RIPK1: variants seen among roughly 807,000 people sequenced by gnomAD.
The protein encoded by RIPK1 is receptor-interacting serine/threonine-protein kinase 1.
In RIPK1, 27 loss-of-function variants were observed where a neutral mutation model predicts 62.4. The observed-to-expected ratio is 0.43, with a 90% CI of 0.32 to 0.60. RIPK1 has a LOEUF of 0.60. Among genes scored for constraint, RIPK1 ranks in the 20% least tolerant of loss-of-function variants. RIPK1 has a pLI of 0.07. For missense variants in RIPK1, 735 were observed against 831.0 expected, an observed-to-expected ratio of 0.88 and a Z score of 1.42; for synonymous variants, 287 against 303.2, an observed-to-expected ratio of 0.95 and a Z score of 0.55.
upstream of RIPK1, among the ~76,000 whole-genome samples, chr6:3,065,028 G>A (rs759354806): frequency 6.6e-6 from 1 of 151,976 alleles, no homozygotes; most frequent in Non-Finnish European, 1.5e-5. Context: ...GGATCACGAG[G>A]TCAGGAGATG....
intron 5 of RIPK1, among the ~76,000 whole-genome samples, chr6:3,084,337 G>A (rs1401572343): frequency 6.6e-6 from 1 of 152,194 alleles, no homozygotes; most frequent in Non-Finnish European, 1.5e-5. Context: ...AGGCCTTCAT[G>A]TTCTGGCCTT....
chr6:3,078,791 A>T (rs1304852126), intron 3 of RIPK1, among the ~76,000 whole-genome samples: 1 of 152,266 alleles, frequency 6.6e-6, no homozygotes, highest in Non-Finnish European at 1.5e-5. Flanking sequence ...CATTTTTAAA[A>T]GCTTATGTGC....
chr6:3,110,687 T>A (rs754681173), intron 9 of RIPK1, 116 bp from the exon 10 acceptor site: 87 of 587,414 alleles, frequency 1.5e-4, no homozygotes, highest in Non-Finnish European at 2.4e-4. Context: ...GTTTAAAGGG[T>A]GGCATAGGAT....
intron 6 of RIPK1, chr6:3,088,614 A>T (rs1455834342): frequency 2.0e-5 from 3 of 152,246 alleles, no homozygotes; most frequent in Non-Finnish European, 4.4e-5. Context: ...ATGCGGTTGG[A>T]TGTTGAGGCT....
intron 1 of RIPK1, among the ~76,000 whole-genome samples, chr6:3,076,080 C>T (rs894667405): frequency 1.3e-5 from 2 of 152,048 alleles, no homozygotes; most frequent in South Asian, 2.1e-4. Flanking sequence ...TGCCTGCCTC[C>T]GGTGCTCTGT....
upstream of RIPK1, among the ~76,000 whole-genome samples, chr6:3,066,334 G>T (rs1279128227): frequency 6.6e-6 from 1 of 152,148 alleles, no homozygotes; most frequent in Non-Finnish European, 1.5e-5. Flanking sequence ...AGAACATAGA[G>T]ATTTTTTGTG....
At chr6:3,089,737 T>A in intron 7 of RIPK1, 80 bp downstream of exon 7, 2 of 832,788 alleles carry the variant, frequency 2.4e-6, no homozygotes, top group Non-Finnish European at 4.0e-6. Context: ...ACAAAGTGAT[T>A]TGTTATTGAG....
At chr6:3,107,400 C>CA (rs1167089664) in intron 9 of RIPK1, among the ~76,000 whole-genome samples, 1,208 of 55,294 alleles carry the variant, frequency 0.022, 11 homozygotes, top group African/African-American at 0.056. Context: ...ACTAAAAATA[C>CA]AAAAAAAAAA....
chr6:3,105,987 A>T lies in RIPK1; in HGVS notation c.1512A>T (p.Pro504=), dbSNP rs1760830538. Residue 504 remains proline, a synonymous_variant, in exon 9 of 11, where the codon CCA becomes CCT. Coordinates refer to ENST00000259808, the MANE Select transcript of RIPK1 (RefSeq NM_001354930.2). This position sits in a 1 kb window ranked among gnomAD's most constrained non-coding sequence, Gnocchi z 4.5. Reference sequence around the variant, plus strand: ...ATATGCCTAGTCTGCATAATATCCCAGTGCCTGAGACCAACTATCTAGGAA... The same window carrying T: ...ATATGCCTAGTCTGCATAATATCCCTGTGCCTGAGACCAACTATCTAGGAA... ...PSHMPSLHNI[P]VPETNYLGNT... 6.2e-7 allele frequency: 1 copy of T among 1,614,118 alleles called. No homozygotes were observed. The highest frequency in any genetic ancestry group is 1.7e-5 in the Admixed American group (1 of 60,022).
intron 3 of RIPK1, 95 bp from the exon 4 acceptor site, chr6:3,080,884 C>G: frequency 8.1e-7 from 1 of 1,237,350 alleles, no homozygotes; most frequent in South Asian, 1.4e-5. Flanking sequence ...GTAACCTTCT[C>G]CTCAGGCTCA....
At chr6:3,095,362 C>G (rs898186015) in intron 7 of RIPK1, among the ~76,000 whole-genome samples, 24 of 152,170 alleles carry the variant, frequency 1.6e-4, no homozygotes, top group Non-Finnish European at 3.2e-4. Context: ...TCAATGATTT[C>G]TGCCAAATAT....
chr6:3,066,381 G>A (rs756662366), upstream of RIPK1, among the ~76,000 whole-genome samples: 1 of 151,956 alleles, frequency 6.6e-6, no homozygotes, highest in African/African-American at 2.4e-5. Flanking sequence ...CCTAGAACAG[G>A]TGCTCAGTAA....
At chr6:3,104,859 C>T (rs760024285) in intron 8 of RIPK1, among the ~76,000 whole-genome samples, 4 of 152,036 alleles carry the variant, frequency 2.6e-5, no homozygotes, top group Non-Finnish European at 5.9e-5. Context: ...AGAGCTGCTG[C>T]AGATCTTTTT....
At chr6:3,068,240 C>G (rs1254458190), upstream of RIPK1, 1 of 985,434 alleles carries the variant, frequency 1.0e-6, no homozygotes, top group African/African-American at 1.7e-5. Flanking sequence ...CTGAATCCTC[C>G]GGATAGCGCC....
intron 1 of RIPK1, among the ~76,000 whole-genome samples, chr6:3,075,129 G>A (rs1350108153): frequency 1.3e-5 from 2 of 152,184 alleles, no homozygotes; most frequent in Non-Finnish European, 2.9e-5. Flanking sequence ...GAAGCTTTTT[G>A]CCAGCCCTTT....
rs1323999651 is a variant in RIPK1, at chr6:3,113,301, G to C, written c.1978G>C (p.Asp660His). 3 of 1,613,992 alleles carry C rather than the reference G, an allele frequency of 1.9e-6. No homozygotes were observed. Among genetic ancestry groups the C allele is most frequent in the Non-Finnish European group, 2.5e-6 (3 of 1,180,030 alleles). ...GGCGCTCCACCAGTGTTCCAGGATC[G>C]ACCTTCTGAGCAGCTTGATTTACGT... is the stretch of plus-strand genomic sequence containing the variant. ...AQALHQCSRIDLLSSLIYVSQ... is the reference protein window; with the variant it reads ...AQALHQCSRIHLLSSLIYVSQ... Residue 660 changes from aspartate (D) to histidine (H), a missense_variant, in exon 11 of 11, where the codon GAC becomes CAC. Around this residue, in one of 2 missense-constraint regions of RIPK1, gnomAD observed 64 missense variants for 104.8 expected, o/e 0.61. Coordinates refer to ENST00000259808, the MANE Select transcript of RIPK1 (RefSeq NM_001354930.2). The surrounding 1 kb of genome is among the most constrained non-coding windows in gnomAD (Gnocchi z 5.0).
intron 7 of RIPK1, among the ~76,000 whole-genome samples, chr6:3,100,261 T>C (rs1030441829): frequency 6.6e-6 from 1 of 151,720 alleles, no homozygotes; most frequent in Admixed American, 6.6e-5. Flanking sequence ...TCTCTACTAA[T>C]AATACAAAAA....
rs1168098509 is a variant in RIPK1 at position 3,076,799 on chromosome 6, A to G, written c.-25A>G. On this transcript the variant is annotated 5_prime_UTR_variant, in exon 2 of 11. Coordinates refer to ENST00000259808, the MANE Select transcript of RIPK1 (RefSeq NM_001354930.2). ...TGCCGGGGGGGGAAAAAGTGGTACC[A>G]TTTTGGGCGTTCTTGAGCTTCAGAA... The G allele has an allele frequency of 1.2e-6, 2 of 1,606,788 alleles. No homozygotes were observed. Among genetic ancestry groups the G allele is most frequent in the Non-Finnish European group, 8.5e-7 (1 of 1,177,498 alleles).
chr6:3,097,042 T>A (rs1407502195), intron 7 of RIPK1, among the ~76,000 whole-genome samples: 1 of 152,144 alleles, frequency 6.6e-6, no homozygotes, highest in Non-Finnish European at 1.5e-5. Context: ...GGCTAATTTT[T>A]GTATTTTTAG....
Sources: gnomAD v4.1 joint callset for allele counts (sites outside exome capture counted in the v4.1 genomes callset) on GRCh38, gnomAD v4.1.1 for gene constraint, gnomAD v4.1.1 regional missense constraint, Gnocchi (gnomAD v3.1) non-coding constraint, MANE v1.5 for transcripts, NCBI Gene and HGNC (gene_info 2026-07-23, HGNC 2026-07-21) for gene names.